Variants in TCF4 observed in about 807,000 individuals in gnomAD.
The protein encoded by TCF4 is transcription factor 4.
In TCF4, 3 loss-of-function variants were observed where a neutral mutation model predicts 82.1. That is an observed-to-expected ratio of 0.04 (90% confidence interval 0.02 to 0.09). The LOEUF is 0.09. Ranked by LOEUF, TCF4 falls within the 10% of genes least tolerant of loss-of-function variation. The pLI, the probability that TCF4 is intolerant of heterozygous loss-of-function variation, is 1.00. For missense variants in TCF4, 518 were observed against 852.7 expected (o/e 0.61, Z 4.89); for synonymous variants, 276 against 309.6 (o/e 0.89, Z 1.14).
intron 5 of TCF4, among the ~76,000 whole-genome samples, chr18:55,404,639 C>G (rs2146520458): frequency 6.6e-6 from 1 of 152,290 alleles, no homozygotes; most frequent in Middle Eastern, 3.4e-3. Context: ...CTCAACTCAA[C>G]ACGAATGCTA....
chr18:55,460,744 T>A (rs1439456385), intron 5 of TCF4, among the ~76,000 whole-genome samples: 2 of 152,206 alleles, frequency 1.3e-5, no homozygotes, highest in Non-Finnish European at 2.9e-5. Flanking sequence ...ACATTGAAAC[T>A]GTGGTCCGTG....
chr18:55,514,438 CA>C (rs1568286376), intron 3 of TCF4, among the ~76,000 whole-genome samples: 66 of 151,898 alleles, frequency 4.3e-4, no homozygotes, highest in South Asian at 2.5e-3. Flanking sequence ...CACACACACA[CA>C]CACACACCCC....
chr18:55,460,574 C>T (rs2095852359), intron 5 of TCF4, among the ~76,000 whole-genome samples: 1 of 152,222 alleles, frequency 6.6e-6, no homozygotes, highest in Admixed American at 6.5e-5. Flanking sequence ...TTTAAGCACA[C>T]TAAGCCCATT....
intron 3 of TCF4, chr18:55,482,043 C>T (rs979096941): frequency 5.3e-5 from 8 of 152,118 alleles, no homozygotes; most frequent in Non-Finnish European, 1.0e-4. Flanking sequence ...TGGAGAAGGG[C>T]CTAGGGGTGA....
At chr18:55,325,858 A>T (rs2076467102) in intron 8 of TCF4, among the ~76,000 whole-genome samples, 2 of 152,218 alleles carry the variant, frequency 1.3e-5, no homozygotes, top group Non-Finnish European at 2.9e-5. Flanking sequence ...ACATAGTGTG[A>T]ACAAGCCAGC....
At chr18:55,506,582 C>G (rs900884536) in intron 3 of TCF4, among the ~76,000 whole-genome samples, 2 of 151,814 alleles carry the variant, frequency 1.3e-5, no homozygotes, top group Non-Finnish European at 1.5e-5. Flanking sequence ...ATATACATAC[C>G]CCACACACAA....
At chr18:55,318,977 T>C (rs1388798251) in intron 8 of TCF4, among the ~76,000 whole-genome samples, 2 of 152,208 alleles carry the variant, frequency 1.3e-5, no homozygotes, top group Non-Finnish European at 2.9e-5. Flanking sequence ...CTGCTTCCTC[T>C]GGCCTCTCTC....
At chr18:55,359,812 C>T (rs1475679819) in intron 6 of TCF4, among the ~76,000 whole-genome samples, 1 of 152,226 alleles carries the variant, frequency 6.6e-6, no homozygotes, top group African/African-American at 2.4e-5. Flanking sequence ...ATTACACTCT[C>T]AGTCCTTTAA....
chr18:55,276,710 T>C (rs2061557272), intron 9 of TCF4, among the ~76,000 whole-genome samples: 1 of 152,204 alleles, frequency 6.6e-6, no homozygotes, highest in Admixed American at 6.5e-5. Flanking sequence ...GTACTAGGTA[T>C]ACACTAGGCC....
chr18:55,550,974 C>T (rs1203700299), intron 3 of TCF4: 1 of 151,954 alleles, frequency 6.6e-6, no homozygotes, highest in African/African-American at 2.4e-5. Context: ...CACGAAGTCT[C>T]ACTCTGTAGC....
chr18:55,413,177 T>C (rs771761519), intron 5 of TCF4, among the ~76,000 whole-genome samples: 2 of 152,118 alleles, frequency 1.3e-5, no homozygotes, highest in Admixed American at 6.5e-5. Context: ...GTATAATACA[T>C]ACATAAACAC....
At chr18:55,339,201 TA>T (rs1206989145) in intron 8 of TCF4, among the ~76,000 whole-genome samples, 3 of 151,624 alleles carry the variant, frequency 2.0e-5, no homozygotes, top group East Asian at 1.9e-4. Flanking sequence ...AAAGTAGTAT[TA>T]AAAAAAAATT....
chr18:55,307,205 A>C (rs1038366351), intron 8 of TCF4, among the ~76,000 whole-genome samples: 1 of 152,270 alleles, frequency 6.6e-6, no homozygotes, highest in Non-Finnish European at 1.5e-5. Context: ...TCAAGATGTA[A>C]GATATAAGAA....
chr18:55,495,179 G>A (rs2096620796), intron 3 of TCF4, among the ~76,000 whole-genome samples: 1 of 151,910 alleles, frequency 6.6e-6, no homozygotes, highest in East Asian at 1.9e-4. Flanking sequence ...AGTTGTTTCA[G>A]TGTTTTGCAC....
chr18:55,345,846 A>G (rs1293561303), intron 8 of TCF4, among the ~76,000 whole-genome samples: 1 of 152,190 alleles, frequency 6.6e-6, no homozygotes, highest in Non-Finnish European at 1.5e-5. Context: ...ATTTGTTGAC[A>G]TGAAAAAGCA....
intron 6 of TCF4, among the ~76,000 whole-genome samples, chr18:55,368,222 C>A (rs925493683): frequency 5.3e-5 from 8 of 152,108 alleles, no homozygotes; most frequent in African/African-American, 1.9e-4. Flanking sequence ...CCCGACTCTA[C>A]TAAAAATACA....
intron 5 of TCF4, among the ~76,000 whole-genome samples, chr18:55,416,187 C>T (rs1603451695): frequency 6.6e-6 from 1 of 151,752 alleles, no homozygotes; most frequent in East Asian, 1.9e-4. Flanking sequence ...CCTACAGATG[C>T]AAAAGTCACA....
chr18:55,377,135 T>C (rs1327389349), intron 6 of TCF4, among the ~76,000 whole-genome samples: 1 of 152,212 alleles, frequency 6.6e-6, no homozygotes, highest in Non-Finnish European at 1.5e-5. Context: ...TCCATCAACA[T>C]GTTATGACTG....
intron 5 of TCF4, among the ~76,000 whole-genome samples, chr18:55,421,180 A>C (rs1165728781): frequency 6.6e-6 from 1 of 152,172 alleles, no homozygotes; most frequent in Admixed American, 6.5e-5. Flanking sequence ...TTAGACATGG[A>C]CACACACACA....
Sources: gnomAD v4.1 joint callset for allele counts (sites outside exome capture counted in the v4.1 genomes callset) on GRCh38, gnomAD v4.1.1 for gene constraint, MANE v1.5 for transcripts, NCBI Gene and HGNC (gene_info 2026-07-23, HGNC 2026-07-21) for gene names.